The following POTEG variants were observed in gnomAD, a reference collection of about 807,000 sequenced individuals.
POTEG encodes POTE ankyrin domain family member G.
Under a neutral mutation model 49.6 loss-of-function variants are expected in POTEG, and 2 were observed. That is an observed-to-expected ratio of 0.04 (90% CI 0.02 to 0.13). The LOEUF (loss-of-function observed/expected upper bound fraction) is 0.13. Among genes scored for constraint, POTEG ranks in the 10% least tolerant of loss-of-function variants. POTEG has a pLI of 1.00. For missense variants in POTEG, 26 were observed against 545.2 expected (o/e 0.05, Z 9.48); for synonymous variants, 7 against 186.6 (o/e 0.04, Z 7.84).
intron 6 of POTEG, among the ~76,000 whole-genome samples, chr14:19,419,002 C>T (rs1343737624): frequency 8.9e-6 from 1 of 111,798 alleles, no homozygotes; most frequent in Non-Finnish European, 1.7e-5. Flanking sequence ...AGCATAACAC[C>T]AAAAAAAAAA....
chr14:19,425,501 A>G, intron 4 of POTEG, 105 bp downstream of exon 4: 1 of 372,326 alleles, frequency 2.7e-6, no homozygotes, highest in Non-Finnish European at 4.4e-6. Flanking sequence ...TTGTGTTCAT[A>G]CTGATCACTA....
intron 1 of POTEG, among the ~76,000 whole-genome samples, chr14:19,432,589 C>T (rs1884208053): frequency 1.4e-5 from 1 of 72,872 alleles, no homozygotes; most frequent in Non-Finnish European, 2.6e-5. Context: ...GTGATATAAA[C>T]ATCTAGCTAG....
Position 19,402,842 on chromosome 14 carries a change from C to G in POTEG, c.*269G>C. The G allele has an allele frequency of 2.6e-6, 1 of 387,646 alleles. No individual in the cohort carries two copies. The highest frequency in any genetic ancestry group is 4.3e-6 in the Non-Finnish European group (1 of 230,694). 24.0% of individuals were successfully genotyped at this position (387,646 alleles called of 1,614,324 possible). ...AAGACAGCCCGGGGGGCATCGTCAC[C>G]TGCAAAGCCGGCCTTGCACATGCCA... On this transcript the variant is annotated 3_prime_UTR_variant, in exon 11 of 11. Coordinates refer to ENST00000547848, the MANE Select transcript of POTEG (RefSeq NM_001005356.3).
At chr14:19,420,932 TGAG>T (rs1405230370) in intron 6 of POTEG, 3 of 134,508 alleles carry the variant, frequency 2.2e-5, no homozygotes, top group Non-Finnish European at 1.6e-5. Context: ...CAACTTCAAA[TGAG>T]GAGGAATGAA....
At chr14:19,414,780 T>C (rs1188940888) in intron 7 of POTEG, among the ~76,000 whole-genome samples, 174 bp from the exon 8 acceptor site, 1 of 145,540 alleles carries the variant, frequency 6.9e-6, no homozygotes, top group Non-Finnish European at 1.5e-5. Context: ...AAAATTAAGA[T>C]TAACTTTTTA....
chr14:19,416,801 ATTT>A (rs1198072386), intron 6 of POTEG, among the ~76,000 whole-genome samples: 35 of 7,192 alleles, frequency 4.9e-3, no homozygotes, highest in African/African-American at 0.02. Flanking sequence ...ATTTATTTTA[ATTT>A]TTTTTTTTTT....
At chr14:19,426,201 T>C (rs1883937536) in intron 3 of POTEG, among the ~76,000 whole-genome samples, 1 of 150,758 alleles carries the variant, frequency 6.6e-6, no homozygotes, top group Admixed American at 6.6e-5. Flanking sequence ...ACACTGCCCA[T>C]CTGAAAAAAT....
intron 1 of POTEG, among the ~76,000 whole-genome samples, chr14:19,432,366 G>GTATGTATATA (rs1884168395): frequency 2.6e-5 from 1 of 37,898 alleles, no homozygotes; most frequent in African/African-American, 1.2e-4. Flanking sequence ...AAGAAATTTT[G>GTATGTATATA]TATATATATA....
chr14:19,415,828 AATTTT>A (rs1184487752), intron 7 of POTEG, among the ~76,000 whole-genome samples: 263 of 132,436 alleles, frequency 2.0e-3, no homozygotes, highest in Non-Finnish European at 2.9e-3. Flanking sequence ...AATCTATTAA[AATTTT>A]TTTTTTTTTT....
At chr14:19,415,343 T>C (rs1883511471) in intron 7 of POTEG, among the ~76,000 whole-genome samples, 2 of 143,946 alleles carry the variant, frequency 1.4e-5, no homozygotes, top group African/African-American at 5.0e-5. Context: ...CAAGATATGA[T>C]TCCTTTAATA....
chr14:19,414,793 CTA>C (rs1263048724), intron 7 of POTEG, among the ~76,000 whole-genome samples, 187 bp from the exon 8 acceptor site: 5 of 142,996 alleles, frequency 3.5e-5, no homozygotes, highest in Admixed American at 1.4e-4. Flanking sequence ...ACTTTTTAAT[CTA>C]TGTTTAGCTA....
At chr14:19,415,147 A>T (rs1187842359) in intron 7 of POTEG, among the ~76,000 whole-genome samples, 1 of 144,834 alleles carries the variant, frequency 6.9e-6, no homozygotes, top group African/African-American at 2.5e-5. Context: ...TTAAATTTTA[A>T]TTGAAATTAT....
chr14:19,416,128 G>A (rs1268425581), intron 7 of POTEG, among the ~76,000 whole-genome samples, 160 bp downstream of exon 7: 8 of 145,350 alleles, frequency 5.5e-5, no homozygotes, highest in African/African-American at 2.0e-4. Flanking sequence ...ACAGGCATGA[G>A]CCACCCCCCC....
At chr14:19,407,272 CGTAT>C (rs1883330388) in intron 9 of POTEG, among the ~76,000 whole-genome samples, 1 of 113,438 alleles carries the variant, frequency 8.8e-6, no homozygotes, top group Non-Finnish European at 1.8e-5. Context: ...ATCACATATA[CGTAT>C]GTGTGTATAT....
chr14:19,420,022 C>G (rs1311656894), intron 6 of POTEG, among the ~76,000 whole-genome samples: 1 of 137,938 alleles, frequency 7.2e-6, no homozygotes, highest in East Asian at 2.1e-4. Flanking sequence ...TTGGTATTAG[C>G]AAAAGTGAAT....
At chr14:19,416,018 G>A (rs1352804593) in intron 7 of POTEG, among the ~76,000 whole-genome samples, 1 of 146,926 alleles carries the variant, frequency 6.8e-6, no homozygotes, top group African/African-American at 2.5e-5. Context: ...CTAAGATTTT[G>A]TATTTTTAGT....
chr14:19,426,444 T>A (rs1333052870), intron 3 of POTEG, among the ~76,000 whole-genome samples: 259 of 149,050 alleles, frequency 1.7e-3, no homozygotes, highest in African/African-American at 6.2e-3. Flanking sequence ...AAAAAACAGT[T>A]TAGAATTTGC....
chr14:19,432,374 A>T (rs1365394785), intron 1 of POTEG, among the ~76,000 whole-genome samples: 3 of 76,602 alleles, frequency 3.9e-5, no homozygotes, highest in South Asian at 4.4e-4. Flanking sequence ...TTGTATATAT[A>T]TATATATATA....
At chr14:19,425,436 C>T (rs1352147199) in intron 4 of POTEG, among the ~76,000 whole-genome samples, 170 bp downstream of exon 4, 8 of 58,974 alleles carry the variant, frequency 1.4e-4, no homozygotes. Flanking sequence ...AAGATGAATC[C>T]TACTAAAACT....
Sources: gnomAD v4.1 joint callset for allele counts (sites outside exome capture counted in the v4.1 genomes callset) on GRCh38, gnomAD v4.1.1 for gene constraint, MANE v1.5 for transcripts, NCBI Gene and HGNC (gene_info 2026-07-23, HGNC 2026-07-21) for gene names.